Variants in PHRF1 observed in about 807,000 individuals in gnomAD.
PHRF1 encodes PHD and RING finger domain-containing protein 1.
Under a neutral mutation model 128.9 loss-of-function variants are expected in PHRF1, and 53 were observed. That is an observed-to-expected ratio of 0.41 (90% confidence interval 0.33 to 0.52). PHRF1 has a LOEUF of 0.52. PHRF1 is among the 20% of genes least tolerant of loss of function. The probability of loss-of-function intolerance (pLI) is 0.21; values close to 1 mark genes in which losing one functional copy is unlikely to be tolerated. For synonymous variants in PHRF1, 1,178 were observed against 980.6 expected, an observed-to-expected ratio of 1.20 and a Z score of -3.76; for missense variants, 2,503 against 2,284.5, an observed-to-expected ratio of 1.10 and a Z score of -1.95.
rs60363043 is a variant in PHRF1 at position 609,760 on chromosome 11, A to C, written c.4264+40A>C. 1.9e-3 allele frequency: 2,086 copies of C among 1,118,394 alleles called. 56 individuals are homozygous for C. The African/African-American group carries it at 0.029, about 16-fold the overall frequency. The allele number at this position is 1,118,394 out of a possible 1,614,324, so 69.3% of individuals were successfully genotyped here. A position where few individuals can be genotyped will look rare whatever the true frequency, so the allele number is the denominator to read the frequency against. ...GGCCCCCACCGAGGACAGAGCCCCCAGTGAGTAAGGCCCTGGCCCCCGCCG... is the reference window on the plus strand; with the variant it reads ...GGCCCCCACCGAGGACAGAGCCCCCCGTGAGTAAGGCCCTGGCCCCCGCCG... On this transcript the variant is annotated intron_variant, in intron 14 of 17. Coordinates refer to ENST00000264555, the MANE Select transcript of PHRF1 (RefSeq NM_001286581.2).
intron 2 of PHRF1, 43 bp downstream of exon 2, chr11:581,649 A>G: frequency 1.9e-6 from 3 of 1,553,716 alleles, no homozygotes; most frequent in Non-Finnish European, 2.6e-6. Context: ...CAGGAGGAGC[A>G]GGGTGCCTGG....
At position 608,041 on chromosome 11, in the gene PHRF1, C is replaced by T. The variant is rs2133075151; in HGVS notation, c.2585C>T (p.Thr862Ile). 3.7e-6 allele frequency: 6 copies of T among 1,611,412 alleles called. No individual in the cohort carries two copies. The highest frequency in any genetic ancestry group is 5.1e-6 in the Non-Finnish European group (6 of 1,179,846). ...PGLLPSEITR[T>I]ISINSPKAQT... ...CTCCTGCCCTCTGAGATCACACGAA[C>T]CATCTCCATCAACAGCCCGAAGGCC... Residue 862 changes from threonine to isoleucine, a missense_variant, in exon 14 of 18, where the codon ACC becomes ATC. By Grantham distance (89) the Thr-to-Ile change is moderately conservative. Coordinates refer to ENST00000264555, the MANE Select transcript of PHRF1 (RefSeq NM_001286581.2).
intron 10 of PHRF1, among the ~76,000 whole-genome samples, chr11:602,742 CT>C (rs1466534116): frequency 6.7e-6 from 1 of 150,314 alleles, no homozygotes; most frequent in Non-Finnish European, 1.5e-5. Flanking sequence ...TTTGCTGAAT[CT>C]TTTTTGGTTT....
rs199667414 is a variant in PHRF1 at position 596,907 on chromosome 11, C to G, written c.621-16C>G. The G allele has an allele frequency of 1.2e-4, 186 of 1,611,952 alleles. No homozygotes were observed. The highest frequency in any genetic ancestry group is 1.3e-4 in the Non-Finnish European group (159 of 1,178,138). ...TGAGCAGCACCCGGATGCTTTGGCC[C>G]TGCTCTCTCCTGTAGGTACCACATG... On this transcript the variant is annotated splice_polypyrimidine_tract_variant and intron_variant, in intron 6 of 17. Coordinates refer to ENST00000264555, the MANE Select transcript of PHRF1 (RefSeq NM_001286581.2).
Position 597,603 on chromosome 11 carries a change from A to G in PHRF1, c.894+33A>G. ...GCCCAGCCCTGACGCCAGTCGTAGAACCCCAGCTGCCCAGAGTGATCTCGG... is the reference window on the plus strand; with the variant it reads ...GCCCAGCCCTGACGCCAGTCGTAGAGCCCCAGCTGCCCAGAGTGATCTCGG... On this transcript the variant is annotated intron_variant, in intron 8 of 17. Transcript: ENST00000264555. The surrounding 1 kb of genome is among the most constrained non-coding windows in gnomAD (Gnocchi z 6.5). 6.8e-7 allele frequency: 1 copy of G among 1,478,580 alleles called. No homozygotes were observed. Among genetic ancestry groups the G allele is most frequent in the Non-Finnish European group, 9.1e-7 (1 of 1,097,122 alleles). 91.6% of individuals were successfully genotyped at this position (1,478,580 alleles called of 1,614,324 possible).
chr11:594,451 G>T (rs1384393137), intron 6 of PHRF1, among the ~76,000 whole-genome samples: 3 of 152,120 alleles, frequency 2.0e-5, no homozygotes, highest in African/African-American at 2.4e-5. Context: ...GCAGAGTCTT[G>T]GTCCGTCATC....
rs371096622 is a variant in PHRF1, at chr11:609,157, C to T, written c.3701C>T (p.Thr1234Met). The change falls in exon 14 of 18, where the codon ACG becomes ATG. Residue 1234 changes from threonine to methionine, a missense_variant. Coordinates refer to ENST00000264555, the MANE Select transcript of PHRF1 (RefSeq NM_001286581.2). ...GEAHVSPEVATADKAPLQAPP... is the reference protein window; with the variant it reads ...GEAHVSPEVAMADKAPLQAPP... ...GCACATGTCTCGCCGGAGGTGGCTA[C>T]GGCCGACAAGGCCCCCCTGCAGGCT... is the stretch of plus-strand genomic sequence containing the variant. 65 of 1,606,024 alleles carry T rather than the reference C, an allele frequency of 4.0e-5. No homozygotes were observed. Among genetic ancestry groups the T allele is most frequent in the South Asian group, 2.0e-4 (18 of 91,062 alleles).
intron 12 of PHRF1, among the ~76,000 whole-genome samples, chr11:606,237 G>A (rs951222000): frequency 6.6e-6 from 1 of 151,034 alleles, no homozygotes; most frequent in Non-Finnish European, 1.5e-5. Flanking sequence ...CCAGAGCTGC[G>A]AGGTGGGGCT....
chr11:611,180 G>A lies in PHRF1; in HGVS notation c.4806+98G>A, dbSNP rs2133108969. ...GACTTTGGGGTGGCCATGAGTGCAG[G>A]CCCGAGGTCAGCCAGCCAGGTTAGG... is the stretch of plus-strand genomic sequence containing the variant. On this transcript the variant is annotated intron_variant, in intron 17 of 17. Transcript: ENST00000264555. 3.2e-6 allele frequency: 5 copies of A among 1,545,462 alleles called. No homozygotes were observed. In the South Asian group the frequency reaches 4.8e-5, roughly 15 times the overall value.
intron 6 of PHRF1, among the ~76,000 whole-genome samples, chr11:596,063 G>T (rs557223920): frequency 6.6e-6 from 1 of 152,166 alleles, no homozygotes; most frequent in East Asian, 1.9e-4. Context: ...TGTTTAACTC[G>T]TATCTTAGAT....
intron 1 of PHRF1, among the ~76,000 whole-genome samples, chr11:578,751 T>G (rs900937060): frequency 6.6e-6 from 1 of 152,162 alleles, no homozygotes; most frequent in African/African-American, 2.4e-5. Context: ...GGTTTTGCCA[T>G]GTTGCCCAGG....
intron 3 of PHRF1, among the ~76,000 whole-genome samples, chr11:584,852 C>T (rs1036592796): frequency 3.3e-5 from 5 of 151,502 alleles, no homozygotes; most frequent in Non-Finnish European, 7.4e-5. Context: ...ATTCTCCTGC[C>T]TCAGCCTCTC....
At chr11:601,883 G>A (rs1311172416) in intron 10 of PHRF1, among the ~76,000 whole-genome samples, 182 bp downstream of exon 10, 1 of 152,240 alleles carries the variant, frequency 6.6e-6, no homozygotes, top group African/African-American at 2.4e-5. Context: ...GAACATTTCT[G>A]TAGCACAGAC....
rs774265229 is a variant in PHRF1, at chr11:608,157, G to T, written c.2701G>T (p.Ala901Ser). Residue 901 changes from alanine (A) to serine (S), a missense_variant, in exon 14 of 18, where the codon GCC (alanine) becomes TCC (serine). Ala to Ser is a moderately conservative substitution (Grantham distance 99). Transcript: ENST00000264555. ...CGAACCCCCTCTCGGACCGTCCTCC[G>T]CCATGTCCAAGCTCCGGGGTGCAGT... ...EPEPPLGPSS[A>S]MSKLRGAVAA... is the part of the protein sequence containing the mutation. 2 of 1,610,878 alleles carry T rather than the reference G, an allele frequency of 1.2e-6. No individual in the cohort carries two copies. The highest frequency in any genetic ancestry group is 2.2e-5 in the South Asian group (2 of 91,072).
chr11:594,761 C>G (rs1419444555), intron 6 of PHRF1, among the ~76,000 whole-genome samples: 1 of 152,234 alleles, frequency 6.6e-6, no homozygotes, highest in Admixed American at 6.5e-5. Context: ...TATGCCCAAC[C>G]TAGTTGTAGT....
chr11:607,243 CG>C lies in PHRF1; in HGVS notation c.1792del (p.Ala598ArgfsTer3). ...QGRSRTPARTAGAPVRLDLPA... is the reference protein window; with the variant it reads ...QGRSRTPARTXGAPVRLDLPA... Reference sequence around the variant, plus strand: ...AGGTCCCGCACCCCCGCCCGCACCGCGGGGGCGCCTGTGAGGCTGGACTTGC... The same window carrying C: ...AGGTCCCGCACCCCCGCCCGCACCGCGGGGCGCCTGTGAGGCTGGACTTGC... On this transcript the variant is annotated frameshift_variant, in exon 14 of 18. Transcript: ENST00000264555. LOFTEE classifies it high-confidence loss of function. 6.2e-7 allele frequency: 1 copy of C among 1,612,426 alleles called. No individual in the cohort carries two copies. Among genetic ancestry groups the C allele is most frequent in the Non-Finnish European group, 8.5e-7 (1 of 1,179,754 alleles).
Position 596,303 on chromosome 11 carries a change from C to T in PHRF1, c.621-620C>T, listed in dbSNP as rs530047998. On this transcript the variant is annotated intron_variant, in intron 6 of 17. Coordinates refer to ENST00000264555, the MANE Select transcript of PHRF1 (RefSeq NM_001286581.2). Reference sequence around the variant, plus strand: ...CCAGTGGCAGCACTTCCCAAACTACCTTCCCAGAAGGCTCGATAGAAACAA... The same window carrying T: ...CCAGTGGCAGCACTTCCCAAACTACTTTCCCAGAAGGCTCGATAGAAACAA... Among the ~76,000 whole-genome samples the T allele has an allele frequency of 9.5e-4, 144 of 152,326 alleles. 1 individual carries two copies. The highest frequency in any genetic ancestry group is 3.2e-3 in the African/African-American group (133 of 41,568).
At position 594,843 on chromosome 11, in the gene PHRF1, C is replaced by G. The variant is rs1199162521; in HGVS notation, c.621-2080C>G. Among the ~76,000 whole-genome samples the G allele has an allele frequency of 5.3e-5, 8 of 152,160 alleles. No homozygotes were observed. The East Asian group carries it at 1.5e-3, about 29-fold the overall frequency. On this transcript the variant is annotated intron_variant, in intron 6 of 17. Transcript: ENST00000264555. Reference sequence around the variant, plus strand: ...TTTTATTATAAATTACATTTACAAACTTGATATATTGATTTTCTTTCTACC... The same window carrying G: ...TTTTATTATAAATTACATTTACAAAGTTGATATATTGATTTTCTTTCTACC...
chr11:582,340 C>A (rs1309397096), intron 3 of PHRF1, among the ~76,000 whole-genome samples: 2 of 150,166 alleles, frequency 1.3e-5, no homozygotes, highest in Non-Finnish European at 2.9e-5. Flanking sequence ...TCTCAGCTCA[C>A]TGCAACTTCT....
Sources: allele counts gnomAD v4.1 joint callset (sites outside exome capture counted in the v4.1 genomes callset), GRCh38; gene constraint gnomAD v4.1.1; non-coding constraint Gnocchi (gnomAD v3.1); transcripts MANE v1.5; gene names NCBI Gene and HGNC (gene_info 2026-07-23, HGNC 2026-07-21).